The following CADM2 variants were observed in gnomAD, a reference collection of about 807,000 sequenced individuals.
CADM2 encodes the protein immunoglobulin superfamily member 4D.
Under a neutral mutation model 49.8 loss-of-function variants are expected in CADM2, and 12 were observed. That is an observed-to-expected ratio of 0.24 (90% CI 0.15 to 0.39). CADM2 has a LOEUF of 0.39. Ranked by LOEUF, CADM2 falls within the 10% of genes least tolerant of loss-of-function variation. The pLI, the probability that CADM2 is intolerant of heterozygous loss-of-function variation, is 1.00. For missense variants in CADM2, 378 were observed against 492.3 expected, an observed-to-expected ratio of 0.77 and a Z score of 2.20; for synonymous variants, 214 against 175.4, an observed-to-expected ratio of 1.22 and a Z score of -1.74.
At chr3:85,581,862 A>G (rs1383036094) in intron 1 of CADM2, among the ~76,000 whole-genome samples, 2 of 151,556 alleles carry the variant, frequency 1.3e-5, no homozygotes, top group Non-Finnish European at 2.9e-5. Flanking sequence ...TTTTAAATAT[A>G]TAATGTGGTT....
intron 1 of CADM2, among the ~76,000 whole-genome samples, chr3:85,090,797 C>T (rs2037567100): frequency 2.0e-5 from 3 of 152,146 alleles, no homozygotes; most frequent in Admixed American, 2.0e-4. Context: ...CATGCGAGGG[C>T]TCTAGGTTGT....
At chr3:85,223,040 G>A (rs1197122009) in intron 1 of CADM2, among the ~76,000 whole-genome samples, 1 of 152,060 alleles carries the variant, frequency 6.6e-6, no homozygotes, top group African/African-American at 2.4e-5. Context: ...TAACTGTTAG[G>A]GGGCCAGTGT....
At position 85,559,073 on chromosome 3, in the gene CADM2, A is replaced by C. The variant is rs576798835; in HGVS notation, c.62-167449A>C. Among the ~76,000 whole-genome samples, 434 of 152,196 alleles carry C rather than the reference A, an allele frequency of 2.9e-3. 2 individuals are homozygous for C. The highest frequency in any genetic ancestry group is 4.8e-3 in the Non-Finnish European group (324 of 67,950). ...TTCATACACTTTCTAGATTATTTTT[A>C]AATACCTCTCAAGTGGCTTGAGGCT... On this transcript the variant is annotated intron_variant, in intron 1 of 9. Coordinates refer to ENST00000383699, the MANE Select transcript of CADM2 (RefSeq NM_001167675.2).
intron 1 of CADM2, among the ~76,000 whole-genome samples, chr3:85,440,613 G>T (rs1461158462): frequency 2.0e-5 from 3 of 152,066 alleles, no homozygotes; most frequent in Non-Finnish European, 4.4e-5. Flanking sequence ...TAACACCTGT[G>T]ATGATAATAT....
intron 1 of CADM2, among the ~76,000 whole-genome samples, chr3:85,207,873 A>T (rs2041687883): frequency 1.3e-5 from 2 of 152,164 alleles, no homozygotes; most frequent in African/African-American, 4.8e-5. Flanking sequence ...TAATCAGGGC[A>T]TAAGAAAGCC....
intron 1 of CADM2, among the ~76,000 whole-genome samples, chr3:85,367,417 A>G (rs1418678316): frequency 6.6e-6 from 1 of 151,716 alleles, no homozygotes; most frequent in Admixed American, 6.6e-5. Context: ...CACCCTCTCT[A>G]TGTGCTTCCA....
chr3:85,365,340 A>C (rs1028619663), intron 1 of CADM2, among the ~76,000 whole-genome samples: 7 of 152,148 alleles, frequency 4.6e-5, no homozygotes, highest in African/African-American at 1.7e-4. Context: ...TAATGTGTGC[A>C]TCTATGACCT....
intron 3 of CADM2, among the ~76,000 whole-genome samples, chr3:85,805,811 G>C (rs529938888): frequency 2.1e-4 from 32 of 152,150 alleles, no homozygotes; most frequent in Non-Finnish European, 3.8e-4. Context: ...GCACATGAGA[G>C]CAAGAGAGAA....
intron 1 of CADM2, among the ~76,000 whole-genome samples, chr3:84,966,615 G>A (rs1417791233): frequency 6.6e-6 from 1 of 152,020 alleles, no homozygotes; most frequent in Admixed American, 6.5e-5. Context: ...ATGAAACTGA[G>A]TGATAAGAAC....
intron 1 of CADM2, among the ~76,000 whole-genome samples, chr3:85,579,991 C>T (rs886620184): frequency 2.6e-5 from 4 of 152,030 alleles, no homozygotes; most frequent in Non-Finnish European, 5.9e-5. Context: ...CTATACATGC[C>T]TTAGAAATGC....
chr3:85,522,061 T>A (rs1168194598), intron 1 of CADM2, among the ~76,000 whole-genome samples: 1 of 152,138 alleles, frequency 6.6e-6, no homozygotes, highest in Non-Finnish European at 1.5e-5. Flanking sequence ...TATTTTTGTT[T>A]CCTTTGTATT....
At chr3:86,020,075 T>C (rs4053699) in intron 8 of CADM2, among the ~76,000 whole-genome samples, 1 of 151,680 alleles carries the variant, frequency 6.6e-6, no homozygotes, top group African/African-American at 2.4e-5. Context: ...ATCAACAAAA[T>C]TGATGGACCG....
At chr3:85,446,606 T>TGG (rs1199243161) in intron 1 of CADM2, among the ~76,000 whole-genome samples, 4 of 147,102 alleles carry the variant, frequency 2.7e-5, no homozygotes, top group African/African-American at 1.0e-4. Flanking sequence ...TGTTTTTTGT[T>TGG]TTTTTTTTTT....
At chr3:85,152,821 C>T (rs116453030) in intron 1 of CADM2, among the ~76,000 whole-genome samples, 4,169 of 151,760 alleles carry the variant, frequency 0.027, 184 homozygotes, top group African/African-American at 0.092. Context: ...AAATATTTGC[C>T]GGGCGTGGTG....
intron 1 of CADM2, among the ~76,000 whole-genome samples, chr3:85,204,627 C>T (rs919746445): frequency 2.6e-5 from 4 of 152,080 alleles, no homozygotes; most frequent in Middle Eastern, 3.2e-3. Flanking sequence ...AAAAAAATTT[C>T]CATCTATCAC....
chr3:85,771,748 A>G (rs1478749348), intron 2 of CADM2, among the ~76,000 whole-genome samples: 2 of 152,056 alleles, frequency 1.3e-5, no homozygotes, highest in East Asian at 1.9e-4. Context: ...ATTATTTCTG[A>G]AAAGGATTTT....
At chr3:86,041,770 A>C (rs1173536770) in intron 8 of CADM2, among the ~76,000 whole-genome samples, 3 of 152,148 alleles carry the variant, frequency 2.0e-5, no homozygotes, top group Non-Finnish European at 4.4e-5. Flanking sequence ...AAATCAACAA[A>C]ATATACTTTC....
chr3:85,471,687 C>CGTTTTATTTT (rs372451338), intron 1 of CADM2, among the ~76,000 whole-genome samples: 3 of 143,348 alleles, frequency 2.1e-5, no homozygotes, highest in Non-Finnish European at 3.0e-5. Context: ...ATATTTTTAG[C>CGTTTTATTTT]ATTTTATTTT....
intron 1 of CADM2, among the ~76,000 whole-genome samples, chr3:85,143,562 G>T (rs959864717): frequency 6.6e-6 from 1 of 152,134 alleles, no homozygotes; most frequent in Non-Finnish European, 1.5e-5. Flanking sequence ...TTACCAAAAT[G>T]CATTGTTTTT....
Sources: allele counts gnomAD v4.1 joint callset (sites outside exome capture counted in the v4.1 genomes callset), GRCh38; gene constraint gnomAD v4.1.1; transcripts MANE v1.5; gene names NCBI Gene and HGNC (gene_info 2026-07-23, HGNC 2026-07-21).